RIMBP2: variants seen among roughly 807,000 people sequenced by gnomAD.
The protein encoded by RIMBP2 is RIMS binding protein 2, also known as RIMS-binding protein 2.
Under a neutral mutation model 118.6 loss-of-function variants are expected in RIMBP2, and 48 were observed. The observed-to-expected ratio is 0.40, with a 90% CI of 0.32 to 0.51. The LOEUF is 0.51. Ranked by LOEUF, RIMBP2 falls within the 20% of genes least tolerant of loss-of-function variation. RIMBP2 has a pLI of 0.41. For synonymous variants in RIMBP2, 762 were observed against 742.9 expected (o/e 1.03, Z -0.42); for missense variants, 1,551 against 1,768.3 (o/e 0.88, Z 2.20).
chr12:130,555,939 G>A lies in RIMBP2; in HGVS notation c.-216-38022C>T, dbSNP rs115945720. 4.1e-3 allele frequency among the ~76,000 whole-genome samples: 629 copies of A among 152,262 alleles called. 6 individuals carry two copies. The highest frequency in any genetic ancestry group is 0.014 in the African/African-American group (569 of 41,528). On this transcript the variant is annotated intron_variant, in intron 2 of 22. Coordinates refer to ENST00000690449, the MANE Select transcript of RIMBP2 (RefSeq NM_001393629.1). ...TACATTTCAATGAGCCAGGCCCATC[G>A]CCAGGCACGGAGAGGAGGCAGCACC... is the stretch of plus-strand genomic sequence containing the variant.
intron 9 of RIMBP2, among the ~76,000 whole-genome samples, chr12:130,448,522 C>T (rs960820078): frequency 1.9e-4 from 29 of 152,262 alleles, no homozygotes; most frequent in African/African-American, 6.0e-4. Flanking sequence ...ACCAGCCCAG[C>T]GCTGCCCCTG....
intron 1 of RIMBP2, among the ~76,000 whole-genome samples, chr12:130,635,981 G>A (rs575069549): frequency 6.6e-6 from 1 of 151,986 alleles, no homozygotes; most frequent in Non-Finnish European, 1.5e-5. Flanking sequence ...AAGCCCCTCT[G>A]CCTTCCAGCC....
intron 1 of RIMBP2, among the ~76,000 whole-genome samples, chr12:130,664,641 T>C (rs2063841904): frequency 6.6e-6 from 1 of 151,546 alleles, no homozygotes; most frequent in South Asian, 2.1e-4. Context: ...ACTCTACAGC[T>C]ATGTCAGAGA....
At chr12:130,638,759 A>G (rs1280918562) in intron 1 of RIMBP2, among the ~76,000 whole-genome samples, 1 of 152,000 alleles carries the variant, frequency 6.6e-6, no homozygotes, top group East Asian at 1.9e-4. Flanking sequence ...AACTATGGAG[A>G]TCGTTAAAAA....
intron 2 of RIMBP2, among the ~76,000 whole-genome samples, chr12:130,614,985 G>A (rs987778323): frequency 1.2e-4 from 18 of 148,982 alleles, no homozygotes; most frequent in African/African-American, 3.9e-4. Flanking sequence ...GTATGAAATA[G>A]GACAGCTTGG....
chr12:130,521,727 T>C (rs1738145337), intron 2 of RIMBP2, among the ~76,000 whole-genome samples: 1 of 152,194 alleles, frequency 6.6e-6, no homozygotes, highest in South Asian at 2.1e-4. Flanking sequence ...GCTCCAGCTG[T>C]AGGCACCACC....
In RIMBP2 at chr12:130,424,520, C is replaced by A; in HGVS notation, c.2751G>T (p.Pro917=). The part of the protein sequence containing the change: ...CRFSRSATRS[P]DSGLDCGSEE... ...CACTCCCACAGTCCAGGCCGCTGTCCGGGCTCCGGGTGGCCGAGCGGCTGA... is the reference window on the plus strand; with the variant it reads ...CACTCCCACAGTCCAGGCCGCTGTCAGGGCTCCGGGTGGCCGAGCGGCTGA... Residue 917 remains proline (P), a synonymous_variant, in exon 16 of 23, where the codon CCG becomes CCT. Transcript: ENST00000690449. The surrounding 1 kb of genome is among the most constrained non-coding windows in gnomAD (Gnocchi z 9.8). The A allele has an allele frequency of 5.7e-6, 7 of 1,231,994 alleles. No homozygotes were observed. Among genetic ancestry groups the A allele is most frequent in the Non-Finnish European group, 7.1e-6 (7 of 987,854 alleles). 76.3% of individuals were successfully genotyped at this position (1,231,994 alleles called of 1,614,324 possible).
chr12:130,462,079 A>G (rs1373671914), intron 6 of RIMBP2, among the ~76,000 whole-genome samples: 6 of 152,218 alleles, frequency 3.9e-5, no homozygotes. Flanking sequence ...GCTGCTCTGC[A>G]CGACAGCATG....
At chr12:130,453,344 A>C (rs1197772142) in intron 7 of RIMBP2, among the ~76,000 whole-genome samples, 1 of 152,262 alleles carries the variant, frequency 6.6e-6, no homozygotes, top group Non-Finnish European at 1.5e-5. Context: ...GTGAAAGTGC[A>C]GGTGAGTGAC....
chr12:130,547,232 C>A (rs930143177), intron 2 of RIMBP2, among the ~76,000 whole-genome samples: 6 of 152,142 alleles, frequency 3.9e-5, no homozygotes, highest in East Asian at 3.9e-4. Flanking sequence ...AAAAAAAAAT[C>A]TTTAAGTGTG....
intron 2 of RIMBP2, among the ~76,000 whole-genome samples, chr12:130,587,685 GGGGGGA>G (rs2058992913): frequency 1.4e-5 from 1 of 69,646 alleles, no homozygotes; most frequent in African/African-American, 6.8e-5. Context: ...GTGGTGGGGT[GGGGGGA>G]GGGGGGAGGG....
intron 1 of RIMBP2, among the ~76,000 whole-genome samples, chr12:130,637,228 C>T (rs1335130241): frequency 6.6e-6 from 1 of 152,222 alleles, no homozygotes; most frequent in Non-Finnish European, 1.5e-5. Flanking sequence ...AGCCCCACCG[C>T]ATCTCCCCAT....
At chr12:130,508,292 G>T (rs987628551) in intron 3 of RIMBP2, among the ~76,000 whole-genome samples, 3 of 151,672 alleles carry the variant, frequency 2.0e-5, no homozygotes, top group Admixed American at 6.6e-5. Flanking sequence ...GCCAGATCTT[G>T]CCTCTCCCTG....
At chr12:130,537,434 G>C (rs1447708494) in intron 2 of RIMBP2, among the ~76,000 whole-genome samples, 1 of 152,206 alleles carries the variant, frequency 6.6e-6, no homozygotes, top group African/African-American at 2.4e-5. Flanking sequence ...AAGGCAAACA[G>C]ATGCAGGGCA....
chr12:130,680,786 G>A (rs866770438), intron 1 of RIMBP2, among the ~76,000 whole-genome samples: 2 of 152,228 alleles, frequency 1.3e-5, no homozygotes, highest in Admixed American at 6.5e-5. Context: ...GCCCGGCCCC[G>A]TGGCAGCGCG....
At chr12:130,709,452 C>T (rs938379227) in intron 1 of RIMBP2, among the ~76,000 whole-genome samples, 5 of 152,238 alleles carry the variant, frequency 3.3e-5, no homozygotes, top group African/African-American at 1.2e-4. Flanking sequence ...CCGCAGCCTG[C>T]GGGGCAGCTC....
chr12:130,554,082 C>T (rs141001731), intron 2 of RIMBP2, among the ~76,000 whole-genome samples: 2 of 152,038 alleles, frequency 1.3e-5, no homozygotes, highest in African/African-American at 2.4e-5. Flanking sequence ...TCATTGATCT[C>T]GGGAAGCAGT....
intron 1 of RIMBP2, among the ~76,000 whole-genome samples, chr12:130,656,184 T>C (rs1476589813): frequency 1.3e-5 from 2 of 152,144 alleles, no homozygotes; most frequent in African/African-American, 2.4e-5. Context: ...GTTTGTCTAA[T>C]GTTCTATGGA....
intron 3 of RIMBP2, among the ~76,000 whole-genome samples, chr12:130,508,708 T>A (rs902419990): frequency 2.6e-5 from 4 of 152,180 alleles, no homozygotes; most frequent in Non-Finnish European, 5.9e-5. Context: ...CTGCTCCTCA[T>A]TGGAACAGAA....
Sources: allele counts gnomAD v4.1 joint callset (sites outside exome capture counted in the v4.1 genomes callset), GRCh38; gene constraint gnomAD v4.1.1; non-coding constraint Gnocchi (gnomAD v3.1); transcripts MANE v1.5; gene names NCBI Gene and HGNC (gene_info 2026-07-23, HGNC 2026-07-21).